The following CEP112 variants were observed in gnomAD, a reference collection of about 807,000 sequenced individuals.
CEP112 encodes centrosomal protein of 112 kDa.
A neutral mutation model predicts 153.0 loss-of-function variants in CEP112; 127 were observed. The ratio of observed to expected loss-of-function variants is 0.83; its 90% CI spans 0.72 to 0.96. The LOEUF (loss-of-function observed/expected upper bound fraction) is 0.96. CEP112 is among the 40% of genes least tolerant of loss of function. CEP112 has a pLI of 0.00. For missense variants in CEP112, 1,089 were observed against 1,101.2 expected, an observed-to-expected ratio of 0.99 and a Z score of 0.16; for synonymous variants, 358 against 374.4, an observed-to-expected ratio of 0.96 and a Z score of 0.51.
At chr17:65,730,714 G>C (rs766466776) in intron 23 of CEP112, among the ~76,000 whole-genome samples, 1 of 151,858 alleles carries the variant, frequency 6.6e-6, no homozygotes, top group African/African-American at 2.4e-5. Flanking sequence ...ATTCCTGTAA[G>C]CTTTTAGGAC....
chr17:65,938,520 CTCT>C (rs2061421846), intron 18 of CEP112, among the ~76,000 whole-genome samples: 2 of 151,830 alleles, frequency 1.3e-5, no homozygotes, highest in African/African-American at 4.8e-5. Flanking sequence ...AAGCTGAAAG[CTCT>C]TCTTCTAAGA....
At chr17:65,667,841 C>A (rs2046772411) in intron 24 of CEP112, among the ~76,000 whole-genome samples, 1 of 151,784 alleles carries the variant, frequency 6.6e-6, no homozygotes, top group Non-Finnish European at 1.5e-5. Context: ...TGACGTCTGA[C>A]CTGCAGCAGC....
At chr17:65,742,470 T>C (rs2051193900) in intron 23 of CEP112, among the ~76,000 whole-genome samples, 1 of 152,172 alleles carries the variant, frequency 6.6e-6, no homozygotes, top group Admixed American at 6.5e-5. Flanking sequence ...AAGAAAAAAC[T>C]ACTTGAAGAT....
intron 21 of CEP112, among the ~76,000 whole-genome samples, chr17:65,756,161 T>C (rs2052248782): frequency 6.6e-6 from 1 of 152,128 alleles, no homozygotes; most frequent in African/African-American, 2.4e-5. Flanking sequence ...CCCAGCACTC[T>C]GGGAGGCCAA....
At chr17:66,048,891 G>C (rs1351305615) in intron 12 of CEP112, among the ~76,000 whole-genome samples, 1 of 152,172 alleles carries the variant, frequency 6.6e-6, no homozygotes, top group Non-Finnish European at 1.5e-5. Context: ...TTACAGGGGA[G>C]AGCCACCACG....
intron 17 of CEP112, among the ~76,000 whole-genome samples, chr17:65,997,799 C>CGA (rs1252367876): frequency 7.0e-6 from 1 of 143,708 alleles, no homozygotes; most frequent in African/African-American, 2.5e-5. Context: ...ATCCCCCCCC[C>CGA]CACACACACA....
intron 12 of CEP112, among the ~76,000 whole-genome samples, chr17:66,050,928 T>TA (rs887074558): frequency 6.6e-6 from 1 of 152,228 alleles, no homozygotes; most frequent in African/African-American, 2.4e-5. Flanking sequence ...ACCCTATTCC[T>TA]ATTATTTCCA....
At chr17:66,048,901 G>A (rs1440924470) in intron 12 of CEP112, among the ~76,000 whole-genome samples, 1 of 151,954 alleles carries the variant, frequency 6.6e-6, no homozygotes, top group African/African-American at 2.4e-5. Context: ...GAGCCACCAC[G>A]CCAGGCCAAA....
intron 23 of CEP112, among the ~76,000 whole-genome samples, chr17:65,723,250 C>T (rs531005737): frequency 1.3e-5 from 2 of 152,172 alleles, no homozygotes; most frequent in Non-Finnish European, 2.9e-5. Context: ...TGGCCAAACT[C>T]GGAGACTTTG....
At chr17:65,932,871 T>G (rs76772199) in intron 18 of CEP112, among the ~76,000 whole-genome samples, 1,146 of 58,988 alleles carry the variant, frequency 0.019, 10 homozygotes, top group African/African-American at 0.072. Context: ...TGAAATGAAA[T>G]TTGGTTTGGG....
chr17:65,916,287 G>GTGTGTGTGTATGTA (rs138734881), intron 19 of CEP112, among the ~76,000 whole-genome samples: 1,661 of 147,358 alleles, frequency 0.011, 9 homozygotes, highest in African/African-American at 0.02. Flanking sequence ...GTGTGTGTGT[G>GTGTGTGTGTATGTA]TGTGTATGTG....
intron 18 of CEP112, among the ~76,000 whole-genome samples, chr17:65,948,316 G>C (rs969444346): frequency 1.3e-5 from 2 of 152,092 alleles, no homozygotes; most frequent in Admixed American, 1.3e-4. Context: ...TTTAAAGCCA[G>C]ATATTTAGCA....
intron 20 of CEP112, among the ~76,000 whole-genome samples, chr17:65,883,784 A>T (rs929634930): frequency 3.9e-5 from 6 of 152,238 alleles, no homozygotes; most frequent in African/African-American, 1.4e-4. Flanking sequence ...ATAAGAGATA[A>T]GGCAAGATTA....
intron 21 of CEP112, among the ~76,000 whole-genome samples, chr17:65,796,642 C>T (rs2054927622): frequency 6.6e-6 from 1 of 152,004 alleles, no homozygotes; most frequent in South Asian, 2.1e-4. Flanking sequence ...ACAAAAATGC[C>T]TCAAACACCT....
chr17:65,720,445 G>A (rs1040305414), intron 23 of CEP112, among the ~76,000 whole-genome samples: 1 of 152,172 alleles, frequency 6.6e-6, no homozygotes, highest in African/African-American at 2.4e-5. Context: ...GAGACAAAGA[G>A]GGGCCGTGAA....
chr17:65,953,764 G>A (rs1157870279), intron 18 of CEP112, among the ~76,000 whole-genome samples: 1 of 152,056 alleles, frequency 6.6e-6, no homozygotes, highest in Non-Finnish European at 1.5e-5. Context: ...CCACTCGACT[G>A]GGAACCACAC....
chr17:65,702,921 AC>A (rs1319593563), intron 23 of CEP112, among the ~76,000 whole-genome samples: 3 of 151,986 alleles, frequency 2.0e-5, no homozygotes, highest in Non-Finnish European at 4.4e-5. Flanking sequence ...GATTCAGTTA[AC>A]CCCCTTCCAG....
intron 24 of CEP112, among the ~76,000 whole-genome samples, chr17:65,670,871 T>A (rs1056350965): frequency 1.5e-5 from 2 of 131,516 alleles, no homozygotes; most frequent in African/African-American, 5.8e-5. Flanking sequence ...AATGCCTGCT[T>A]TGTACAAAGC....
intron 21 of CEP112, among the ~76,000 whole-genome samples, chr17:65,846,940 C>A (rs62065089): frequency 0.21 from 32,103 of 152,008 alleles, 3,478 homozygotes; most frequent in South Asian, 0.26. Flanking sequence ...AATTCGGAGT[C>A]CAGGTCTTTA....
Sources: allele counts gnomAD v4.1 joint callset (sites outside exome capture counted in the v4.1 genomes callset), GRCh38; gene constraint gnomAD v4.1.1; transcripts MANE v1.5; gene names NCBI Gene and HGNC (gene_info 2026-07-23, HGNC 2026-07-21).